NSMCE2: variants seen among roughly 807,000 people sequenced by gnomAD.
NSMCE2 encodes the protein NSE2 SUMO ligase component of SMC5/6 complex.
In NSMCE2, 24 loss-of-function variants were observed where a neutral mutation model predicts 23.8. The observed-to-expected ratio is 1.01, with a 90% CI of 0.73 to 1.42. The LOEUF (loss-of-function observed/expected upper bound fraction) is 1.42. Among genes scored for constraint, NSMCE2 ranks in the 40% most tolerant of loss-of-function variants. The pLI is 0.00. For synonymous variants in NSMCE2, 92 were observed against 94.1 expected (o/e 0.98, Z 0.13); for missense variants, 284 against 296.5 (o/e 0.96, Z 0.31).
intron 4 of NSMCE2, among the ~76,000 whole-genome samples, chr8:125,174,367 T>C (rs1399689789): frequency 6.6e-6 from 1 of 152,234 alleles, no homozygotes; most frequent in Non-Finnish European, 1.5e-5. Context: ...TGTGAATTTC[T>C]GCCAAAACAA....
At chr8:125,101,440 T>G (rs1387567579) in intron 1 of NSMCE2, among the ~76,000 whole-genome samples, 8 of 152,206 alleles carry the variant, frequency 5.3e-5, no homozygotes, top group African/African-American at 1.7e-4. Context: ...AAAGCTGAGA[T>G]TCAGAGATGT....
chr8:125,155,542 C>G (rs893147041), intron 4 of NSMCE2, among the ~76,000 whole-genome samples: 2 of 152,152 alleles, frequency 1.3e-5, no homozygotes, highest in African/African-American at 4.8e-5. Context: ...AGGAACTATG[C>G]TTAGTAATGC....
chr8:125,193,484 A>G (rs1823457898), intron 5 of NSMCE2, among the ~76,000 whole-genome samples: 1 of 152,232 alleles, frequency 6.6e-6, no homozygotes, highest in African/African-American at 2.4e-5. Context: ...TCATAGAATA[A>G]ACACTGCTGG....
intron 5 of NSMCE2, among the ~76,000 whole-genome samples, chr8:125,350,086 G>C (rs936156056): frequency 6.6e-6 from 1 of 152,130 alleles, no homozygotes; most frequent in Non-Finnish European, 1.5e-5. Context: ...CCTATGCCAG[G>C]GACTATTTTA....
chr8:125,170,354 C>T (rs1822117022), intron 4 of NSMCE2, among the ~76,000 whole-genome samples: 1 of 135,204 alleles, frequency 7.4e-6, no homozygotes, highest in African/African-American at 2.7e-5. Flanking sequence ...TCCAGTCCAT[C>T]AATAAACCTT....
At chr8:125,272,948 T>G (rs904331974) in intron 5 of NSMCE2, among the ~76,000 whole-genome samples, 1 of 151,744 alleles carries the variant, frequency 6.6e-6, no homozygotes, top group Admixed American at 6.6e-5. Context: ...TAGGCCAGGG[T>G]TGAAACCCCT....
chr8:125,117,384 GC>G (rs779392245), intron 3 of NSMCE2, among the ~76,000 whole-genome samples: 22 of 152,032 alleles, frequency 1.4e-4, no homozygotes, highest in Non-Finnish European at 2.8e-4. Context: ...ACTGCTCCCA[GC>G]CTTCAGTCTC....
At chr8:125,233,534 A>G (rs978465244) in intron 5 of NSMCE2, among the ~76,000 whole-genome samples, 1 of 152,206 alleles carries the variant, frequency 6.6e-6, no homozygotes, top group African/African-American at 2.4e-5. Context: ...TAAATTGAAT[A>G]TATAGTAATT....
intron 5 of NSMCE2, among the ~76,000 whole-genome samples, chr8:125,229,339 T>A (rs948680950): frequency 2.0e-5 from 3 of 152,308 alleles, no homozygotes; most frequent in Admixed American, 2.0e-4. Context: ...AACTTTTTTT[T>A]AAATCACACA....
intron 5 of NSMCE2, among the ~76,000 whole-genome samples, chr8:125,268,005 G>T (rs1372326015): frequency 2.0e-5 from 3 of 151,668 alleles, no homozygotes; most frequent in Non-Finnish European, 4.4e-5. Context: ...GAGGTGGGAG[G>T]ATCCCTGGAG....
At chr8:125,101,634 C>T (rs1014075525) in intron 1 of NSMCE2, among the ~76,000 whole-genome samples, 3 of 152,170 alleles carry the variant, frequency 2.0e-5, no homozygotes. Context: ...CTTTTGTAGG[C>T]AGCTTTACAT....
At chr8:125,225,633 GC>G (rs1168468907) in intron 5 of NSMCE2, among the ~76,000 whole-genome samples, 1 of 152,146 alleles carries the variant, frequency 6.6e-6, no homozygotes, top group African/African-American at 2.4e-5. Context: ...TTCACATTGT[GC>G]TCTGGGGTAT....
chr8:125,366,954 C>T lies in NSMCE2; in HGVS notation c.*69C>T. On this transcript the variant is annotated 3_prime_UTR_variant, in exon 8 of 8. Coordinates refer to ENST00000287437, the MANE Select transcript of NSMCE2 (RefSeq NM_173685.4). ...CCCCAGCTGTCTGTTGAGAGCAGTG[C>T]TGACCCCAGCAGTTAGGGACTGGCT... 1 of 870,012 alleles carries T rather than the reference C, an allele frequency of 1.1e-6. No homozygotes were observed. The allele number at this position is 870,012 out of a possible 1,614,324, so 53.9% of individuals were successfully genotyped here. A position where few individuals can be genotyped will look rare whatever the true frequency, so the allele number is the denominator to read the frequency against.
At chr8:125,276,518 A>C (rs1376802178) in intron 5 of NSMCE2, among the ~76,000 whole-genome samples, 1 of 152,208 alleles carries the variant, frequency 6.6e-6, no homozygotes, top group Admixed American at 6.5e-5. Context: ...TTGTAGAATA[A>C]TTAATAATGG....
Position 125,299,804 on chromosome 8 carries a change from C to CTTTTTTTTTTTTTT in NSMCE2, c.419-57401_419-57388dup, listed in dbSNP as rs58789139. Among the ~76,000 whole-genome samples the CTTTTTTTTTTTTTT allele has an allele frequency of 6.0e-4, 42 of 70,266 alleles. 7 individuals carry two copies. Among genetic ancestry groups the CTTTTTTTTTTTTTT allele is most frequent in the African/African-American group, 1.2e-3 (22 of 17,794 alleles). 46.1% of individuals were successfully genotyped at this position (70,266 alleles called of 152,430 possible). On this transcript the variant is annotated intron_variant, in intron 5 of 7. Transcript: ENST00000287437. ...ACCTTGACCTCATAATTTTGGCTTT[C>CTTTTTTTTTTTTTT]TTTTTTTTTTTTTTTTTTTTTTTTT...
At chr8:125,174,803 A>G (rs1822398074) in intron 4 of NSMCE2, among the ~76,000 whole-genome samples, 1 of 152,202 alleles carries the variant, frequency 6.6e-6, no homozygotes, top group South Asian at 2.1e-4. Flanking sequence ...AATGCTCAAC[A>G]AGGAAGTATT....
At chr8:125,308,336 T>G (rs951453487) in intron 5 of NSMCE2, among the ~76,000 whole-genome samples, 3 of 152,190 alleles carry the variant, frequency 2.0e-5, no homozygotes, top group Non-Finnish European at 2.9e-5. Flanking sequence ...AAATCCTAAG[T>G]AAAACCTTTT....
At chr8:125,321,439 T>C (rs1829456209) in intron 5 of NSMCE2, among the ~76,000 whole-genome samples, 1 of 152,228 alleles carries the variant, frequency 6.6e-6, no homozygotes, top group Non-Finnish European at 1.5e-5. Context: ...ACTGGCTTCG[T>C]GGTGAATTCT....
At chr8:125,167,445 T>A (rs892493994) in intron 4 of NSMCE2, among the ~76,000 whole-genome samples, 19 of 152,152 alleles carry the variant, frequency 1.2e-4, no homozygotes, top group Non-Finnish European at 2.4e-4. Flanking sequence ...GGCGGGCGGA[T>A]CATGAGGTCA....
Sources: gnomAD v4.1 joint callset for allele counts (sites outside exome capture counted in the v4.1 genomes callset) on GRCh38, gnomAD v4.1.1 for gene constraint, MANE v1.5 for transcripts, NCBI Gene and HGNC (gene_info 2026-07-23, HGNC 2026-07-21) for gene names.